Variants in SUFU observed in about 807,000 individuals in gnomAD.
The protein encoded by SUFU is suppressor of fused homolog.
In SUFU, 7 loss-of-function variants were observed where a neutral mutation model predicts 58.9. That is an observed-to-expected ratio of 0.12 (90% confidence interval 0.07 to 0.22). The LOEUF is 0.22. Among genes scored for constraint, SUFU ranks in the 10% least tolerant of loss-of-function variants. SUFU has a pLI of 1.00. For synonymous variants in SUFU, 232 were observed against 254.8 expected (o/e 0.91, Z 0.85); for missense variants, 451 against 641.3 (o/e 0.70, Z 3.20).
At chr10:102,538,906 G>T (rs1463122593) in intron 2 of SUFU, among the ~76,000 whole-genome samples, 1 of 152,234 alleles carries the variant, frequency 6.6e-6, no homozygotes, top group East Asian at 1.9e-4. Flanking sequence ...TAGGATTTGG[G>T]CATAGGCAGC....
intron 3 of SUFU, among the ~76,000 whole-genome samples, chr10:102,579,274 G>C (rs546975870): frequency 1.3e-4 from 20 of 152,310 alleles, no homozygotes; most frequent in Middle Eastern, 6.8e-3. Flanking sequence ...TGTGTGCCCT[G>C]CCCATGTGGG....
chr10:102,585,616 C>A (rs1301726884), intron 3 of SUFU, among the ~76,000 whole-genome samples: 1 of 152,126 alleles, frequency 6.6e-6, no homozygotes, highest in Non-Finnish European at 1.5e-5. Flanking sequence ...AAACAATCCT[C>A]CCACTTCAAC....
intron 8 of SUFU, among the ~76,000 whole-genome samples, chr10:102,614,264 A>G (rs894022513): frequency 6.6e-6 from 1 of 152,180 alleles, no homozygotes; most frequent in African/African-American, 2.4e-5. Context: ...ACTTTAATAT[A>G]GAATGTTGGG....
intron 3 of SUFU, among the ~76,000 whole-genome samples, chr10:102,553,549 C>T (rs1042019695): frequency 6.6e-5 from 10 of 151,956 alleles, no homozygotes; most frequent in East Asian, 5.8e-4. Context: ...CTGCAAGCTC[C>T]GCCTCCCAGA....
upstream of SUFU, among the ~76,000 whole-genome samples, chr10:102,503,406 G>T (rs2062275440): frequency 1.3e-5 from 2 of 152,136 alleles, no homozygotes; most frequent in Non-Finnish European, 2.9e-5. Flanking sequence ...TTCAGAAACT[G>T]CTCGAGTATC....
In SUFU at chr10:102,617,605, C is replaced by G; in HGVS notation, c.1296+177C>G. On this transcript the variant is annotated intron_variant, in intron 10 of 11. Coordinates refer to ENST00000369902, the MANE Select transcript of SUFU (RefSeq NM_016169.4). The surrounding 1 kb of genome is among the most constrained non-coding windows in gnomAD (Gnocchi z 4.4). Reference sequence around the variant, plus strand: ...TATGGAGTGTGGATGCTGCTACCCACTCCAGCAGCTTAGGAGCACTTCCTG... The same window carrying G: ...TATGGAGTGTGGATGCTGCTACCCAGTCCAGCAGCTTAGGAGCACTTCCTG... The G allele has an allele frequency of 2.6e-6, 2 of 774,282 alleles. No homozygotes were observed. Among genetic ancestry groups the G allele is most frequent in the Non-Finnish European group, 2.1e-6 (1 of 470,032 alleles). 48.0% of individuals were successfully genotyped at this position (774,282 alleles called of 1,614,324 possible). A position where few individuals can be genotyped will look rare whatever the true frequency, so the allele number is the denominator to read the frequency against.
At chr10:102,598,923 C>T (rs2063489914) in intron 7 of SUFU, among the ~76,000 whole-genome samples, 1 of 152,104 alleles carries the variant, frequency 6.6e-6, no homozygotes, top group Non-Finnish European at 1.5e-5. Context: ...TGGGATAGAC[C>T]AAGGTGGAGA....
intron 10 of SUFU, among the ~76,000 whole-genome samples, chr10:102,623,066 TG>T (rs1237997486): frequency 6.8e-6 from 1 of 147,888 alleles, no homozygotes; most frequent in Non-Finnish European, 1.5e-5. Context: ...GAAGTGTGAA[TG>T]GGGCCTAGCA....
rs2063829976 is a variant in SUFU at position 102,630,653 on chromosome 10, CTTATT to C, written c.*506_*510del. On this transcript the variant is annotated 3_prime_UTR_variant, in exon 12 of 12. Coordinates refer to ENST00000369902, the MANE Select transcript of SUFU (RefSeq NM_016169.4). ...CTGATCATGTTTGGTTTTCTTCTTC[CTTATT>C]TTATTTTGTAGAAACCGGGTGGTAT... 2 of 300,110 alleles carry C rather than the reference CTTATT, an allele frequency of 6.7e-6. No homozygotes were observed. Among genetic ancestry groups the C allele is most frequent in the African/African-American group, 2.1e-5 (1 of 48,238 alleles). 18.6% of individuals were successfully genotyped at this position (300,110 alleles called of 1,614,324 possible).
At chr10:102,516,216 A>G (rs1412222212) in intron 2 of SUFU, among the ~76,000 whole-genome samples, 1 of 135,086 alleles carries the variant, frequency 7.4e-6, no homozygotes, top group African/African-American at 2.8e-5. Context: ...GATTATTTAT[A>G]GGTGTGCGCC....
At chr10:102,542,815 A>G (rs1163728049) in intron 2 of SUFU, among the ~76,000 whole-genome samples, 1 of 151,910 alleles carries the variant, frequency 6.6e-6, no homozygotes, top group African/African-American at 2.4e-5. Flanking sequence ...TGTGGAGGCA[A>G]GGCTTCGCCA....
chr10:102,575,572 A>T (rs530848803), intron 3 of SUFU, among the ~76,000 whole-genome samples: 1 of 152,180 alleles, frequency 6.6e-6, no homozygotes, highest in African/African-American at 2.4e-5. Flanking sequence ...ATTAATCTAT[A>T]TATGAGGGCA....
intron 5 of SUFU, 63 bp from the exon 6 acceptor site, chr10:102,593,930 G>T: frequency 6.3e-7 from 1 of 1,587,856 alleles, no homozygotes. Flanking sequence ...AGGGCAGGCT[G>T]TAGGCCCAGC....
intron 7 of SUFU, 107 bp downstream of exon 7, chr10:102,597,400 T>C: frequency 2.2e-6 from 3 of 1,388,138 alleles, no homozygotes; most frequent in Non-Finnish European, 2.9e-6. Flanking sequence ...ACCCATTCAA[T>C]AGTTTATTTC....
At chr10:102,535,732 C>T (rs2062730571) in intron 2 of SUFU, among the ~76,000 whole-genome samples, 1 of 152,116 alleles carries the variant, frequency 6.6e-6, no homozygotes, top group African/African-American at 2.4e-5. Context: ...CCTGGCATTC[C>T]TTGCTTCAAA....
chr10:102,595,143 C>A (rs1321289665), intron 6 of SUFU, among the ~76,000 whole-genome samples: 3 of 152,176 alleles, frequency 2.0e-5, no homozygotes, highest in Non-Finnish European at 2.9e-5. Context: ...CATCTCTAAA[C>A]CTGCCATGCT....
chr10:102,596,400 C>A (rs939724279), intron 6 of SUFU, among the ~76,000 whole-genome samples: 1 of 152,164 alleles, frequency 6.6e-6, no homozygotes. Flanking sequence ...TACAACTCTT[C>A]CTTGAAGCCA....
intron 3 of SUFU, among the ~76,000 whole-genome samples, chr10:102,570,281 G>T (rs1330651496): frequency 6.6e-6 from 1 of 151,732 alleles, no homozygotes; most frequent in Non-Finnish European, 1.5e-5. Flanking sequence ...TTGTTCTGTT[G>T]CCCAGGCTGG....
chr10:102,512,531 T>C (rs2062412658), intron 2 of SUFU, among the ~76,000 whole-genome samples: 1 of 152,248 alleles, frequency 6.6e-6, no homozygotes, highest in Non-Finnish European at 1.5e-5. Context: ...TAATTTGAAA[T>C]AGGACCTTTC....
Sources: allele counts gnomAD v4.1 joint callset (sites outside exome capture counted in the v4.1 genomes callset), GRCh38; gene constraint gnomAD v4.1.1; non-coding constraint Gnocchi (gnomAD v3.1); transcripts MANE v1.5; gene names NCBI Gene and HGNC (gene_info 2026-07-23, HGNC 2026-07-21).